The following OPCML variants were observed in gnomAD, a reference collection of about 807,000 sequenced individuals.
OPCML encodes opioid binding protein/cell adhesion molecule like.
A neutral mutation model predicts 37.8 loss-of-function variants in OPCML; 13 were observed. The observed-to-expected ratio is 0.34, with a 90% CI of 0.22 to 0.55. The LOEUF (loss-of-function observed/expected upper bound fraction) is 0.55, where lower values mean the gene tolerates loss of function less well. Ranked by LOEUF, OPCML falls within the 20% of genes least tolerant of loss-of-function variation. OPCML has a pLI of 0.91. For missense variants in OPCML, 341 were observed against 435.6 expected, an observed-to-expected ratio of 0.78 and a Z score of 1.93; for synonymous variants, 176 against 168.8, an observed-to-expected ratio of 1.04 and a Z score of -0.33.
At chr11:133,026,487 A>G (rs889794407) in intron 1 of OPCML, 2 of 985,380 alleles carry the variant, frequency 2.0e-6, no homozygotes, top group African/African-American at 1.7e-5. Flanking sequence ...TCCTCCACGC[A>G]GTAGGTTTTG....
At chr11:132,650,155 C>A (rs1329742975) in intron 3 of OPCML, among the ~76,000 whole-genome samples, 1 of 152,034 alleles carries the variant, frequency 6.6e-6, no homozygotes, top group Non-Finnish European at 1.5e-5. Context: ...CCTTCTCTAA[C>A]CAAAAAGTGA....
intron 1 of OPCML, among the ~76,000 whole-genome samples, chr11:133,483,454 A>C (rs1947427549): frequency 6.6e-6 from 1 of 152,012 alleles, no homozygotes; most frequent in South Asian, 2.1e-4. Flanking sequence ...ATTGATTGAT[A>C]AATAGAAAAA....
chr11:132,936,521 G>T (rs904676259), intron 2 of OPCML, among the ~76,000 whole-genome samples: 1 of 152,048 alleles, frequency 6.6e-6, no homozygotes, highest in Non-Finnish European at 1.5e-5. Flanking sequence ...CACTAGCATC[G>T]GCATGTCCCC....
chr11:133,045,105 GCCAAGAGACCCAATCCCTGC>G (rs1342355462), intron 1 of OPCML, among the ~76,000 whole-genome samples: 2 of 152,210 alleles, frequency 1.3e-5, no homozygotes, highest in African/African-American at 4.8e-5. Flanking sequence ...CAGGAAGCCA[GCCAAGAGACCCAATCCCTGC>G]CCCTCACACA....
intron 3 of OPCML, among the ~76,000 whole-genome samples, chr11:132,572,845 T>G (rs2096441770): frequency 6.6e-6 from 1 of 152,052 alleles, no homozygotes. Context: ...TTGGGTAGTA[T>G]GGACATTTTA....
intron 7 of OPCML, among the ~76,000 whole-genome samples, chr11:132,427,524 G>A (rs924872001): frequency 1.2e-4 from 18 of 152,288 alleles, no homozygotes; most frequent in Admixed American, 3.3e-4. Flanking sequence ...ATCAACCAAC[G>A]AGGCTCTGCA....
At chr11:132,923,329 A>G (rs1479871364) in intron 2 of OPCML, among the ~76,000 whole-genome samples, 1 of 152,156 alleles carries the variant, frequency 6.6e-6, no homozygotes, top group Admixed American at 6.6e-5. Context: ...CTGATTCTGT[A>G]TATCTGAGAC....
intron 1 of OPCML, chr11:133,066,673 T>TTTTTG (rs1348107900): frequency 1.3e-5 from 2 of 153,034 alleles, no homozygotes; most frequent in Non-Finnish European, 1.5e-5. Flanking sequence ...TTGTTGTTTG[T>TTTTTG]TTTTGTTTTG....
intron 2 of OPCML, among the ~76,000 whole-genome samples, chr11:132,707,899 A>T (rs1944101007): frequency 6.6e-6 from 1 of 152,352 alleles, no homozygotes; most frequent in Non-Finnish European, 1.5e-5. Context: ...GCCTGAAAAC[A>T]GTTCATTTGG....
At chr11:133,216,677 C>A (rs1939597648) in intron 1 of OPCML, among the ~76,000 whole-genome samples, 1 of 152,162 alleles carries the variant, frequency 6.6e-6, no homozygotes, top group Non-Finnish European at 1.5e-5. Context: ...AAGGAAACAC[C>A]TTCCCTAAGT....
chr11:132,607,537 A>C (rs1305821810), intron 3 of OPCML, among the ~76,000 whole-genome samples: 1 of 152,176 alleles, frequency 6.6e-6, no homozygotes, highest in African/African-American at 2.4e-5. Flanking sequence ...TGGTGATAGA[A>C]GCCCACAGTG....
chr11:133,148,968 G>A (rs940195209), intron 1 of OPCML, among the ~76,000 whole-genome samples: 5 of 152,150 alleles, frequency 3.3e-5, no homozygotes, highest in African/African-American at 1.2e-4. Context: ...TCTTGAGAAG[G>A]AGAGAGGGGT....
chr11:132,483,915 T>C (rs2096190122), intron 4 of OPCML, among the ~76,000 whole-genome samples: 1 of 151,906 alleles, frequency 6.6e-6, no homozygotes, highest in African/African-American at 2.4e-5. Context: ...CAAAAATCAA[T>C]TCAAGATGGA....
chr11:133,212,369 C>T lies in OPCML; in HGVS notation c.62-269359G>A, dbSNP rs988493573. Among the ~76,000 whole-genome samples, 2 of 152,164 alleles carry T rather than the reference C, an allele frequency of 1.3e-5. No individual in the cohort carries two copies. The highest frequency in any genetic ancestry group is 2.9e-5 in the Non-Finnish European group (2 of 68,018). On this transcript the variant is annotated intron_variant, in intron 1 of 7. Coordinates refer to ENST00000524381, the MANE Select transcript of OPCML (RefSeq NM_001012393.5). The surrounding 1 kb of genome is among the most constrained non-coding windows in gnomAD (Gnocchi z 4.9). ...TCTCCCACTGCCCCTGAATCCTAGC[C>T]ACACTGACTACTCTGCTGTTCATCA...
intron 1 of OPCML, among the ~76,000 whole-genome samples, chr11:133,189,094 T>C (rs773458676): frequency 6.6e-6 from 1 of 152,174 alleles, no homozygotes; most frequent in Non-Finnish European, 1.5e-5. Context: ...GTTCTCACCA[T>C]CCATCCACTT....
At chr11:132,567,292 A>C (rs186676784) in intron 3 of OPCML, among the ~76,000 whole-genome samples, 7 of 152,310 alleles carry the variant, frequency 4.6e-5, no homozygotes, top group Admixed American at 3.9e-4. Context: ...CAATCAGCTG[A>C]TTTCAAATTT....
chr11:133,495,693 G>T (rs963591909), intron 1 of OPCML, among the ~76,000 whole-genome samples: 72 of 152,088 alleles, frequency 4.7e-4, no homozygotes, highest in Admixed American at 2.2e-3. Context: ...TTGGCCATTT[G>T]TATATCTTCT....
At chr11:132,546,520 G>A (rs1023334361) in intron 3 of OPCML, among the ~76,000 whole-genome samples, 5 of 152,132 alleles carry the variant, frequency 3.3e-5, no homozygotes, top group Non-Finnish European at 7.3e-5. Context: ...TTATGAGTGA[G>A]AATGTATGAT....
At chr11:133,499,785 T>TATATAC (rs1947865566) in intron 1 of OPCML, among the ~76,000 whole-genome samples, 1 of 141,938 alleles carries the variant, frequency 7.0e-6, no homozygotes. Context: ...TATATATATA[T>TATATAC]ATACACATAT....
Sources: gnomAD v4.1 joint callset for allele counts (sites outside exome capture counted in the v4.1 genomes callset) on GRCh38, gnomAD v4.1.1 for gene constraint, Gnocchi (gnomAD v3.1) non-coding constraint, MANE v1.5 for transcripts, NCBI Gene and HGNC (gene_info 2026-07-23, HGNC 2026-07-21) for gene names.